The following ADAMTSL4 variants were observed in gnomAD, a reference collection of about 807,000 sequenced individuals.
ADAMTSL4 encodes ADAMTS-like protein 4.
A neutral mutation model predicts 122.8 loss-of-function variants in ADAMTSL4; 97 were observed. The observed-to-expected ratio is 0.79, with a 90% CI of 0.67 to 0.93. ADAMTSL4 has a LOEUF of 0.93. Ranked by LOEUF, ADAMTSL4 falls within the 40% of genes least tolerant of loss-of-function variation. The pLI is 0.00. For missense variants in ADAMTSL4, 1,408 were observed against 1,453.5 expected (o/e 0.97, Z 0.51); for synonymous variants, 592 against 568.0 (o/e 1.04, Z -0.60).
At chr1:150,550,413 C>G in intron 2 of ADAMTSL4, 2 of 431,540 alleles carry the variant, frequency 4.6e-6, no homozygotes, top group Non-Finnish European at 9.3e-6. Flanking sequence ...CTCACGTCAC[C>G]CCCACCCCTC....
At chr1:150,550,223 C>T (rs1353377994) in intron 2 of ADAMTSL4, 1 of 456,596 alleles carries the variant, frequency 2.2e-6, no homozygotes, top group East Asian at 6.9e-5. Flanking sequence ...CCTCTGACCT[C>T]TCCTTTCCTC....
rs1433619877 is a variant in ADAMTSL4 at position 150,556,111 on chromosome 1, T to C, written c.1372-51T>C. 6.2e-7 allele frequency: 1 copy of C among 1,603,340 alleles called. No homozygotes were observed. On this transcript the variant is annotated intron_variant, in intron 8 of 18. Transcript: ENST00000271643. This position sits in a 1 kb window ranked among gnomAD's most constrained non-coding sequence, Gnocchi z 4.1. ...GCTCCCGAGGGGACCGGGGTGGGGT[T>C]GAGGTGGTGTCTGGCGTTCTGTGGC... is the stretch of plus-strand genomic sequence containing the variant.
chr1:150,559,574 C>T lies in ADAMTSL4; in HGVS notation c.2943+108C>T. 1 of 1,568,130 alleles carries T rather than the reference C, an allele frequency of 6.4e-7. No individual in the cohort carries two copies. The highest frequency in any genetic ancestry group is 8.7e-7 in the Non-Finnish European group (1 of 1,152,354). On this transcript the variant is annotated intron_variant, in intron 17 of 18. Transcript: ENST00000271643. This position sits in a 1 kb window ranked among gnomAD's most constrained non-coding sequence, Gnocchi z 4.1. ...GTCTCTCTGTGCCCCAGAATAAGCCCAGCCAAGCGTTACCACTGTCCTACT... is the reference window on the plus strand; with the variant it reads ...GTCTCTCTGTGCCCCAGAATAAGCCTAGCCAAGCGTTACCACTGTCCTACT...
chr1:150,555,590 C>T (rs1411181395), intron 8 of ADAMTSL4, 25 bp downstream of exon 8: 5 of 1,588,860 alleles, frequency 3.1e-6, no homozygotes, highest in East Asian at 2.3e-5. Flanking sequence ...TGTGTGTGTG[C>T]ACACACACAT....
chr1:150,552,405 C>A lies in ADAMTSL4; in HGVS notation c.20+97C>A. The A allele has an allele frequency of 6.5e-7, 1 of 1,535,160 alleles. No homozygotes were observed. The highest frequency in any genetic ancestry group is 8.9e-7 in the Non-Finnish European group (1 of 1,124,878). On this transcript the variant is annotated intron_variant, in intron 3 of 18. Coordinates refer to ENST00000271643, the MANE Select transcript of ADAMTSL4 (RefSeq NM_019032.6). This position sits in a 1 kb window ranked among gnomAD's most constrained non-coding sequence, Gnocchi z 4.0. ...AGGGAAAGGGGACCACTGGGAGGGGCAGGGGAAGTGATGAGTAACTTCTGC... is the reference window on the plus strand; with the variant it reads ...AGGGAAAGGGGACCACTGGGAGGGGAAGGGGAAGTGATGAGTAACTTCTGC...
intron 13 of ADAMTSL4, 123 bp from the exon 14 acceptor site, chr1:150,557,822 C>G (rs1450765485): frequency 7.2e-7 from 1 of 1,397,004 alleles, no homozygotes; most frequent in East Asian, 2.5e-5. Flanking sequence ...ACTCCAAACG[C>G]CAAACGTGCC....
chr1:150,550,896 T>C (rs1671342034), intron 2 of ADAMTSL4: 1 of 456,328 alleles, frequency 2.2e-6, no homozygotes, highest in Non-Finnish European at 4.4e-6. Flanking sequence ...CCTACCCTTC[T>C]CTTGGTCATT....
chr1:150,558,876 C>T (rs1471616001), intron 15 of ADAMTSL4, 86 bp from the exon 16 acceptor site: 1 of 1,539,906 alleles, frequency 6.5e-7, no homozygotes, highest in Admixed American at 2.0e-5. Context: ...GATTCGGACC[C>T]AGGATGCGTC....
Position 150,554,812 on chromosome 1 carries a change from C to A in ADAMTSL4, c.1234+345C>A. On this transcript the variant is annotated intron_variant, in intron 7 of 18. Coordinates refer to ENST00000271643, the MANE Select transcript of ADAMTSL4 (RefSeq NM_019032.6). This position sits in a 1 kb window ranked among gnomAD's most constrained non-coding sequence, Gnocchi z 4.0. Reference sequence around the variant, plus strand: ...GTGGGGGTGTGCCACGCATCCTGGGCACTGTCGTATCGGTTGCTCCCAGGT... The same window carrying A: ...GTGGGGGTGTGCCACGCATCCTGGGAACTGTCGTATCGGTTGCTCCCAGGT... The A allele has an allele frequency of 1.4e-6, 1 of 704,816 alleles. No individual in the cohort carries two copies. The highest frequency in any genetic ancestry group is 2.3e-6 in the Non-Finnish European group (1 of 430,476). The allele number at this position is 704,816 out of a possible 1,614,324, so 43.7% of individuals were successfully genotyped here.
chr1:150,558,973 G>C lies in ADAMTSL4; in HGVS notation c.2571G>C (p.Glu857Asp). The C allele has an allele frequency of 2.5e-6, 4 of 1,609,084 alleles. No individual in the cohort carries two copies. Among genetic ancestry groups the C allele is most frequent in the Non-Finnish European group, 3.4e-6 (4 of 1,178,952 alleles). The change falls in exon 16 of 19, where the codon GAG becomes GAC. Residue 857 changes from glutamate (E) to aspartate (D), a missense_variant. Physicochemically the swap from Glu to Asp is conservative, Grantham distance 45. Coordinates refer to ENST00000271643, the MANE Select transcript of ADAMTSL4 (RefSeq NM_019032.6). ...CTCCTCCTCCGCAGTGCTCAGCCGA[G>C]TGTGGGACGGGAATCCAGCGGCGCT... ...HSDWSSKCSAECGTGIQRRSV... is the reference protein window; with the variant it reads ...HSDWSSKCSADCGTGIQRRSV...
rs1216728326 is a variant in ADAMTSL4, at chr1:150,553,137, T to A, written c.318T>A (p.Thr106=). Reference sequence around the variant, plus strand: ...GGGGCCAGGGTCCCAGACCCCAGACTTCTCCAGAAACCCTCCCCTTGTACA... The same window carrying A: ...GGGGCCAGGGTCCCAGACCCCAGACATCTCCAGAAACCCTCCCCTTGTACA... ...LPRGQGPRPQ[T]SPETLPLYRT... is the part of the protein sequence containing the mutation. Residue 106 remains threonine (T), a synonymous_variant, in exon 5 of 19, where the codon ACT becomes ACA. Coordinates refer to ENST00000271643, the MANE Select transcript of ADAMTSL4 (RefSeq NM_019032.6). 6.2e-7 allele frequency: 1 copy of A among 1,611,874 alleles called. No individual in the cohort carries two copies. Among genetic ancestry groups the A allele is most frequent in the South Asian group, 1.1e-5 (1 of 90,904 alleles).
rs1197841235 is a variant in ADAMTSL4 at position 150,560,558 on chromosome 1, C to T, written c.*362C>T. On this transcript the variant is annotated 3_prime_UTR_variant, in exon 19 of 19. Transcript: ENST00000271643. ...AGCAAGTCTGCAGTTCCTTGCTAATCTGAGCTACTTAGAGTGTGGTCTCCC... is the reference window on the plus strand; with the variant it reads ...AGCAAGTCTGCAGTTCCTTGCTAATTTGAGCTACTTAGAGTGTGGTCTCCC... 3 of 332,336 alleles carry T rather than the reference C, an allele frequency of 9.0e-6. No individual in the cohort carries two copies. The East Asian group carries it at 2.1e-4, about 23-fold the overall frequency. The allele number at this position is 332,336 out of a possible 1,614,324, so 20.6% of individuals were successfully genotyped here.
In ADAMTSL4 at chr1:150,552,828, G is replaced by A. The variant is rs1484919706; in HGVS notation, c.79-70G>A. 6.7e-7 allele frequency: 1 copy of A among 1,503,470 alleles called. No individual in the cohort carries two copies. Among genetic ancestry groups the A allele is most frequent in the African/African-American group, 1.4e-5 (1 of 72,868 alleles). 93.1% of individuals were successfully genotyped at this position (1,503,470 alleles called of 1,614,324 possible). A position where few individuals can be genotyped will look rare whatever the true frequency, so the allele number is the denominator to read the frequency against. ...TAGCGACTCCGTGAGCCTCAGTGTTGGTCTACATGGACACTCTGGACAGTT... is the reference window on the plus strand; with the variant it reads ...TAGCGACTCCGTGAGCCTCAGTGTTAGTCTACATGGACACTCTGGACAGTT... On this transcript the variant is annotated intron_variant, in intron 4 of 18. Coordinates refer to ENST00000271643, the MANE Select transcript of ADAMTSL4 (RefSeq NM_019032.6). This position sits in a 1 kb window ranked among gnomAD's most constrained non-coding sequence, Gnocchi z 4.0.
At position 150,554,607 on chromosome 1, in the gene ADAMTSL4, G is replaced by A; in HGVS notation, c.1234+140G>A. 6.5e-7 allele frequency: 1 copy of A among 1,548,280 alleles called. No individual in the cohort carries two copies. Among genetic ancestry groups the A allele is most frequent in the Non-Finnish European group, 8.7e-7 (1 of 1,147,264 alleles). On this transcript the variant is annotated intron_variant, in intron 7 of 18. Coordinates refer to ENST00000271643, the MANE Select transcript of ADAMTSL4 (RefSeq NM_019032.6). This position sits in a 1 kb window ranked among gnomAD's most constrained non-coding sequence, Gnocchi z 4.0. Reference sequence around the variant, plus strand: ...GCGCCATGCCTTCTTTCTTCTCCCTGGGGCTGGGTCAGGAGACAGCACAGG... The same window carrying A: ...GCGCCATGCCTTCTTTCTTCTCCCTAGGGCTGGGTCAGGAGACAGCACAGG...
chr1:150,550,161 G>C (rs1010205208), intron 2 of ADAMTSL4: 1 of 452,610 alleles, frequency 2.2e-6, no homozygotes, highest in East Asian at 6.9e-5. Context: ...GTGTGGCCAG[G>C]AGGAGCCCGC....
In ADAMTSL4 at chr1:150,553,266, G is replaced by T; in HGVS notation, c.434+13G>T. The T allele has an allele frequency of 2.5e-6, 4 of 1,610,812 alleles. No individual in the cohort carries two copies. The highest frequency in any genetic ancestry group is 3.4e-6 in the Non-Finnish European group (4 of 1,178,226). On this transcript the variant is annotated intron_variant, in intron 5 of 18. Coordinates refer to ENST00000271643, the MANE Select transcript of ADAMTSL4 (RefSeq NM_019032.6). Reference sequence around the variant, plus strand: ...GAGCGGCCAGGAGGTGAGAGGCCTGGGTGGAAGAGGTGGGCCTTGGGCAAG... The same window carrying T: ...GAGCGGCCAGGAGGTGAGAGGCCTGTGTGGAAGAGGTGGGCCTTGGGCAAG...
chr1:150,555,589 G>A, intron 8 of ADAMTSL4, 24 bp downstream of exon 8: 1 of 1,601,730 alleles, frequency 6.2e-7, no homozygotes, highest in Non-Finnish European at 8.5e-7. Flanking sequence ...GTGTGTGTGT[G>A]CACACACACA....
intron 8 of ADAMTSL4, chr1:150,555,805 G>C (rs915125402): frequency 3.1e-6 from 2 of 637,174 alleles, no homozygotes; most frequent in South Asian, 3.6e-5. Context: ...ACACGTGCAT[G>C]AACACATGCA....
rs1200131965 is a variant in ADAMTSL4 at position 150,554,951 on chromosome 1, C to G, written c.1235-478C>G. On this transcript the variant is annotated intron_variant, in intron 7 of 18. Transcript: ENST00000271643. The surrounding 1 kb of genome is among the most constrained non-coding windows in gnomAD (Gnocchi z 4.0). ...GATTGCTCCTCTCTCAGTTCAGAGT[C>G]CCCTTGATGGTCTCGGTGACCTCAA... Among the ~76,000 whole-genome samples the G allele has an allele frequency of 6.6e-6, 1 of 151,270 alleles. No homozygotes were observed. The highest frequency in any genetic ancestry group is 6.6e-5 in the Admixed American group (1 of 15,212).
Sources: allele counts gnomAD v4.1 joint callset (sites outside exome capture counted in the v4.1 genomes callset), GRCh38; gene constraint gnomAD v4.1.1; non-coding constraint Gnocchi (gnomAD v3.1); transcripts MANE v1.5; gene names NCBI Gene and HGNC (gene_info 2026-07-23, HGNC 2026-07-21).